Variants in GSN observed in about 807,000 individuals in gnomAD.
The protein encoded by GSN is gelsolin, also known as actin-depolymerizing factor.
In GSN, 56 loss-of-function variants were observed where a neutral mutation model predicts 85.7. That is an observed-to-expected ratio of 0.65 (90% CI 0.53 to 0.82). GSN has a LOEUF of 0.82. Ranked by LOEUF, GSN falls within the 40% of genes least tolerant of loss-of-function variation. The pLI, the probability that GSN is intolerant of heterozygous loss-of-function variation, is 0.00. For missense variants in GSN, 857 were observed against 979.8 expected (o/e 0.87, Z 1.67); for synonymous variants, 373 against 399.1 (o/e 0.93, Z 0.78).
intron 4 of GSN, among the ~76,000 whole-genome samples, chr9:121,219,780 T>C (rs1320643840): frequency 6.6e-6 from 1 of 152,034 alleles, no homozygotes; most frequent in African/African-American, 2.4e-5. Context: ...TCATGAATAT[T>C]CCCCCTCTTG....
chr9:121,228,886 CTG>C (rs1390234069), intron 4 of GSN, among the ~76,000 whole-genome samples: 1 of 152,168 alleles, frequency 6.6e-6, no homozygotes, highest in Non-Finnish European at 1.5e-5. Context: ...CATGCTCGCT[CTG>C]TTTCTCTCTC....
At chr9:121,221,476 C>G (rs914463239) in intron 4 of GSN, among the ~76,000 whole-genome samples, 16 of 152,190 alleles carry the variant, frequency 1.1e-4, no homozygotes, top group African/African-American at 3.6e-4. Flanking sequence ...ATGGTCCCCT[C>G]TCCTGTTCTA....
At chr9:121,290,755 A>C (rs2058606480) in intron 2 of GSN, among the ~76,000 whole-genome samples, 2 of 152,258 alleles carry the variant, frequency 1.3e-5, no homozygotes, top group Non-Finnish European at 2.9e-5. Flanking sequence ...CTCATTTAGC[A>C]TGAATCCCAA....
rs899760816 is a variant in GSN at position 121,316,729 on chromosome 9, C to T, written c.754-357C>T. ...CAAGCCATCCACCCACCTGGGCCTC[C>T]CAGAGCGCTGGGATTAAAGGTGTGC... is the stretch of plus-strand genomic sequence containing the variant. On this transcript the variant is annotated intron_variant, in intron 7 of 17. Transcript: ENST00000432226. 1.0e-3 allele frequency among the ~76,000 whole-genome samples: 154 copies of T among 152,180 alleles called. 14 individuals are homozygous for T. The highest frequency in any genetic ancestry group is 1.5e-5 in the Non-Finnish European group (1 of 68,028).
At chr9:121,275,210 A>T (rs2056523358) in intron 1 of GSN, among the ~76,000 whole-genome samples, 1 of 152,232 alleles carries the variant, frequency 6.6e-6, no homozygotes, top group Non-Finnish European at 1.5e-5. Context: ...TTAAGATCCC[A>T]GGCCGAAGAA....
At chr9:121,270,259 G>A (rs2055741736) in intron 1 of GSN, among the ~76,000 whole-genome samples, 1 of 152,244 alleles carries the variant, frequency 6.6e-6, no homozygotes, top group African/African-American at 2.4e-5. Context: ...TATAAGCTAA[G>A]GGTTTGGACC....
In GSN at chr9:121,220,349, A is replaced by G. The variant is rs180954972; in HGVS notation, c.-528+9482A>G. Among the ~76,000 whole-genome samples, 429 of 149,512 alleles carry G rather than the reference A, an allele frequency of 2.9e-3. 1 individual carries two copies. The highest frequency in any genetic ancestry group is 5.1e-3 in the Non-Finnish European group (340 of 66,738). ...TTTGGGGAACTCCCCTAGCCCACTG[A>G]TATCTGCATCATTAGTATTCTTACT... is the stretch of plus-strand genomic sequence containing the variant. On this transcript the variant is annotated intron_variant, in intron 4 of 24. Coordinates refer to the GSN transcript ENST00000373823.
upstream of GSN, chr9:121,265,628 C>G (rs1479230474): frequency 6.6e-6 from 1 of 152,288 alleles, no homozygotes; most frequent in Non-Finnish European, 1.5e-5. Context: ...TTGTCTAATG[C>G]CTGGCCTGTG....
chr9:121,324,812 T>G (rs955438510), intron 12 of GSN, among the ~76,000 whole-genome samples, 168 bp downstream of exon 12: 1 of 152,194 alleles, frequency 6.6e-6, no homozygotes, highest in African/African-American at 2.4e-5. Flanking sequence ...AGGTATTTAT[T>G]TAGGGCTTCC....
At chr9:121,249,115 A>G (rs1355789324) in intron 6 of GSN, among the ~76,000 whole-genome samples, 1 of 151,930 alleles carries the variant, frequency 6.6e-6, no homozygotes, top group Non-Finnish European at 1.5e-5. Context: ...GATTGAGGAG[A>G]TAGACTTGAT....
rs2063692826 is a variant in GSN at position 121,329,884 on chromosome 9, T to G, written c.1965+569T>G. On this transcript the variant is annotated intron_variant, in intron 16 of 17. Coordinates refer to ENST00000432226, the MANE Select transcript of GSN (RefSeq NM_198252.3). This position sits in a 1 kb window ranked among gnomAD's most constrained non-coding sequence, Gnocchi z 4.6. The stretch of plus-strand genomic sequence containing the variant: ...TGCTGGGATAGAGCAATGAATAAAG[T>G]AGGCATTTTCCTGCTCTCCCAGGGC... Among the ~76,000 whole-genome samples, 1 of 152,190 alleles carries G rather than the reference T, an allele frequency of 6.6e-6. No homozygotes were observed. The highest frequency in any genetic ancestry group is 6.5e-5 in the Admixed American group (1 of 15,284).
intron 14 of GSN, among the ~76,000 whole-genome samples, chr9:121,328,253 CAG>C (rs570309845): frequency 5.7e-4 from 87 of 152,274 alleles, no homozygotes; most frequent in Admixed American, 1.2e-3. Context: ...TGATGCTTAA[CAG>C]AAATGGTGAA....
chr9:121,228,813 G>T (rs968411036), intron 4 of GSN, among the ~76,000 whole-genome samples: 9 of 152,108 alleles, frequency 5.9e-5, no homozygotes, highest in African/African-American at 2.2e-4. Flanking sequence ...CAGTAATTTT[G>T]CCACAGTTTT....
In GSN at chr9:121,318,179, TA is replaced by T. The variant is rs1049929825; in HGVS notation, c.887-224del. Among the ~76,000 whole-genome samples, 15 of 152,214 alleles carry T rather than the reference TA, an allele frequency of 9.9e-5. No homozygotes were observed. The highest frequency in any genetic ancestry group is 2.9e-4 in the African/African-American group (12 of 41,456). ...TTCTAAGCACAAAATACATGCTCAC[TA>T]AATGGACCACAGTAGTGTTGTGATT... is the stretch of plus-strand genomic sequence containing the variant. On this transcript the variant is annotated intron_variant, in intron 8 of 17. Coordinates refer to ENST00000432226, the MANE Select transcript of GSN (RefSeq NM_198252.3). The surrounding 1 kb of genome is among the most constrained non-coding windows in gnomAD (Gnocchi z 4.3).
At chr9:121,283,679 ATT>A (rs374879141) in intron 2 of GSN, 66,276 of 164,520 alleles carry the variant, frequency 0.4, 15,917 homozygotes, top group East Asian at 0.62. Context: ...AGGTTCATTC[ATT>A]CATTCATTCA....
chr9:121,282,700 T>C, intron 2 of GSN: 1 of 418,846 alleles, frequency 2.4e-6, no homozygotes, highest in Non-Finnish European at 4.3e-6. Context: ...GCTGCCCTAA[T>C]AGGAGGACTT....
chr9:121,258,976 C>T (rs10760165), intron 6 of GSN, among the ~76,000 whole-genome samples: 72,512 of 151,972 alleles, frequency 0.48, 18,354 homozygotes, highest in East Asian at 0.75. Flanking sequence ...ACTGGGAGCA[C>T]AATAGTGAAC....
At chr9:121,255,073 C>T (rs955915099) in intron 6 of GSN, among the ~76,000 whole-genome samples, 38 of 152,150 alleles carry the variant, frequency 2.5e-4, no homozygotes, top group South Asian at 4.2e-4. Flanking sequence ...CTCAGCCTCC[C>T]GAGTAGCTGG....
At chr9:121,276,038 C>T (rs1240786497) in intron 1 of GSN, among the ~76,000 whole-genome samples, 4 of 152,182 alleles carry the variant, frequency 2.6e-5, no homozygotes, top group Admixed American at 2.0e-4. Flanking sequence ...TCTACTGAAT[C>T]CAAATCTGGA....
Sources: allele counts gnomAD v4.1 joint callset (sites outside exome capture counted in the v4.1 genomes callset), GRCh38; gene constraint gnomAD v4.1.1; non-coding constraint Gnocchi (gnomAD v3.1); transcripts MANE v1.5; gene names NCBI Gene and HGNC (gene_info 2026-07-23, HGNC 2026-07-21).